ITCH: variants seen among roughly 807,000 people sequenced by gnomAD.
ITCH encodes the protein itchy E3 ubiquitin protein ligase.
ITCH carries 28 observed loss-of-function variants against 126.8 expected under a neutral mutation model. That is an observed-to-expected ratio of 0.22 (90% CI 0.16 to 0.30). ITCH has a LOEUF of 0.30. Among genes scored for constraint, ITCH ranks in the 10% least tolerant of loss-of-function variants. The probability of loss-of-function intolerance (pLI) is 1.00; values close to 1 mark genes in which losing one functional copy is unlikely to be tolerated. For missense variants in ITCH, 631 were observed against 1,032.4 expected (o/e 0.61, Z 5.33); for synonymous variants, 342 against 340.0 (o/e 1.01, Z -0.06).
chr20:34,413,616 C>T lies in ITCH; in HGVS notation c.338-126C>T, dbSNP rs564095235. 1.2e-5 allele frequency: 10 copies of T among 823,336 alleles called. No individual in the cohort carries two copies. The East Asian group carries it at 2.5e-4, about 20-fold the overall frequency. 51.0% of individuals were successfully genotyped at this position (823,336 alleles called of 1,614,324 possible). A position where few individuals can be genotyped will look rare whatever the true frequency, so the allele number is the denominator to read the frequency against. ...AAACCTTGGGTGAAACATAGTTAAA[C>T]AGTTTATATGCACATATAGTTATAT... On this transcript the variant is annotated intron_variant, in intron 5 of 24. Coordinates refer to ENST00000374864, the MANE Select transcript of ITCH (RefSeq NM_031483.7).
At chr20:34,445,194 A>C (rs753001443) in intron 10 of ITCH, 93 bp from the exon 11 acceptor site, 18 of 1,341,952 alleles carry the variant, frequency 1.3e-5, no homozygotes, top group Admixed American at 8.1e-5. Flanking sequence ...GACTCCAGAT[A>C]AATCAAAAGT....
chr20:34,405,625 C>T (rs1466723538), intron 3 of ITCH, among the ~76,000 whole-genome samples: 1 of 152,114 alleles, frequency 6.6e-6, no homozygotes, highest in Non-Finnish European at 1.5e-5. Flanking sequence ...CCACAAGAGG[C>T]CCTGAAATAT....
intron 12 of ITCH, among the ~76,000 whole-genome samples, chr20:34,453,187 T>A (rs1985464710): frequency 6.6e-6 from 1 of 152,246 alleles, no homozygotes; most frequent in Non-Finnish European, 1.5e-5. Flanking sequence ...AGTTCACAAA[T>A]GTGTCAAGGC....
intron 20 of ITCH, among the ~76,000 whole-genome samples, chr20:34,488,848 G>C (rs1468954442): frequency 6.6e-6 from 1 of 152,178 alleles, no homozygotes; most frequent in Non-Finnish European, 1.5e-5. Flanking sequence ...AACCAGCCTT[G>C]GCATCACAGA....
chr20:34,446,020 T>G (rs945474408), intron 11 of ITCH, among the ~76,000 whole-genome samples: 2 of 152,182 alleles, frequency 1.3e-5, no homozygotes, highest in Non-Finnish European at 2.9e-5. Flanking sequence ...AAACAAATGG[T>G]TTAAATTTTA....
chr20:34,478,921 A>G (rs903309757), intron 17 of ITCH, among the ~76,000 whole-genome samples: 5 of 152,206 alleles, frequency 3.3e-5, no homozygotes, highest in Admixed American at 6.5e-5. Context: ...TACACTTATC[A>G]CAAGAGGCCA....
rs200896809 is a variant in ITCH, at chr20:34,438,622, C to A, written c.670C>A (p.Arg224Ser). Residue 224 changes from arginine (R) to serine (S), a missense_variant, in exon 8 of 25, where the codon CGT becomes AGT. By Grantham distance (110) the Arg-to-Ser change is moderately radical (BLOSUM62 -1). Around this residue, in one of 4 missense-constraint regions of ITCH, gnomAD observed 220 missense variants for 265.7 expected, o/e 0.83. Transcript: ENST00000374864. ...TTCACGACCACCACCACCCACCCCA[C>A]GTAGACCAGGTTTGTATTCCAGCTC... Reference protein sequence around the residue: ...RPSRPPPPTPRRPASVNGSPS... With the variant: ...RPSRPPPPTPSRPASVNGSPS... 6.2e-7 allele frequency: 1 copy of A among 1,613,924 alleles called. No homozygotes were observed. Among genetic ancestry groups the A allele is most frequent in the Non-Finnish European group, 8.5e-7 (1 of 1,179,978 alleles).
intron 2 of ITCH, among the ~76,000 whole-genome samples, chr20:34,391,611 A>T (rs1365117041): frequency 1.3e-5 from 2 of 152,202 alleles, no homozygotes; most frequent in Non-Finnish European, 2.9e-5. Flanking sequence ...ATATTATACA[A>T]ATAGTGATTT....
chr20:34,475,510 T>G (rs1159440028), intron 16 of ITCH, among the ~76,000 whole-genome samples: 1 of 151,944 alleles, frequency 6.6e-6, no homozygotes, highest in Non-Finnish European at 1.5e-5. Flanking sequence ...CGAAAACCAG[T>G]CAGGCGTGGC....
chr20:34,510,596 A>G lies in ITCH; in HGVS notation c.*2802A>G, dbSNP rs1257917421. On this transcript the variant is annotated 3_prime_UTR_variant, in exon 25 of 25. Transcript: ENST00000374864. The stretch of plus-strand genomic sequence containing the variant: ...AGCCTGGTCAGGAGGGAAGGACCTC[A>G]CTTGTTTCATCAAATGGAGTGGTTT... 2 of 152,034 alleles carry G rather than the reference A, an allele frequency of 1.3e-5. No homozygotes were observed. The highest frequency in any genetic ancestry group is 1.3e-4 in the Admixed American group (2 of 15,236). 9.4% of individuals were successfully genotyped at this position (152,034 alleles called of 1,614,324 possible).
intron 3 of ITCH, among the ~76,000 whole-genome samples, chr20:34,399,822 C>T (rs1014767307): frequency 2.0e-5 from 3 of 152,138 alleles, no homozygotes; most frequent in Admixed American, 6.5e-5. Flanking sequence ...GTGGCACAGT[C>T]ACGGTTCACT....
intron 16 of ITCH, among the ~76,000 whole-genome samples, chr20:34,474,234 G>A (rs1471696265): frequency 6.6e-6 from 1 of 152,012 alleles, no homozygotes; most frequent in Non-Finnish European, 1.5e-5. Context: ...AGGGTCATAG[G>A]ACAATAGTGG....
intron 2 of ITCH, among the ~76,000 whole-genome samples, chr20:34,373,060 C>T (rs1307292416): frequency 4.0e-5 from 6 of 151,498 alleles, no homozygotes; most frequent in Non-Finnish European, 7.4e-5. Context: ...CTGCAGCCTC[C>T]ACCCACTGGG....
intron 3 of ITCH, chr20:34,402,600 G>GT (rs2038926318): frequency 3.5e-5 from 23 of 658,676 alleles, no homozygotes; most frequent in South Asian, 2.8e-4. Flanking sequence ...TTATTGCATA[G>GT]TTGTCAAAAA....
At chr20:34,404,657 T>C (rs2146125650) in intron 3 of ITCH, among the ~76,000 whole-genome samples, 1 of 152,216 alleles carries the variant, frequency 6.6e-6, no homozygotes, top group Non-Finnish European at 1.5e-5. Context: ...CGTTGATCCT[T>C]TTGACTGAGA....
At chr20:34,437,711 A>C (rs1267937527) in intron 7 of ITCH, among the ~76,000 whole-genome samples, 1 of 152,226 alleles carries the variant, frequency 6.6e-6, no homozygotes, top group Non-Finnish European at 1.5e-5. Flanking sequence ...TACATACCAG[A>C]GCCTTGGCTG....
intron 3 of ITCH, among the ~76,000 whole-genome samples, 177 bp downstream of exon 3, chr20:34,394,058 CA>C (rs1015585437): frequency 4.6e-5 from 7 of 151,830 alleles, no homozygotes; most frequent in Non-Finnish European, 7.4e-5. Flanking sequence ...ATGGAGAATA[CA>C]AAATTAGTTG....
At chr20:34,481,313 T>C in intron 20 of ITCH, 107 bp downstream of exon 20, 1 of 1,200,844 alleles carries the variant, frequency 8.3e-7, no homozygotes, top group Non-Finnish European at 1.2e-6. Flanking sequence ...TTTGTCTCTG[T>C]ACTAATCAAT....
intron 14 of ITCH, 140 bp downstream of exon 14, chr20:34,462,361 T>G: frequency 1.2e-6 from 1 of 863,088 alleles, no homozygotes; most frequent in Non-Finnish European, 1.8e-6. Context: ...ATTAAGTATT[T>G]TGCATTTCCA....
Sources: gnomAD v4.1 joint callset for allele counts (sites outside exome capture counted in the v4.1 genomes callset) on GRCh38, gnomAD v4.1.1 for gene constraint, gnomAD v4.1.1 regional missense constraint, MANE v1.5 for transcripts, NCBI Gene and HGNC (gene_info 2026-07-23, HGNC 2026-07-21) for gene names.